AUTS2: variants seen among roughly 807,000 people sequenced by gnomAD.
AUTS2 encodes activator of transcription and developmental regulator AUTS2, also known as autism susceptibility gene 2 protein.
A neutral mutation model predicts 112.4 loss-of-function variants in AUTS2; 17 were observed. The ratio of observed to expected loss-of-function variants is 0.15; its 90% CI spans 0.10 to 0.23. AUTS2 has a LOEUF of 0.23. Ranked by LOEUF, AUTS2 falls within the 10% of genes least tolerant of loss-of-function variation. The probability of loss-of-function intolerance (pLI) is 1.00; values close to 1 mark genes in which losing one functional copy is unlikely to be tolerated. For missense variants in AUTS2, 1,510 were observed against 1,701.6 expected (o/e 0.89, Z 1.98); for synonymous variants, 751 against 702.7 (o/e 1.07, Z -1.09).
intron 4 of AUTS2, among the ~76,000 whole-genome samples, chr7:70,221,600 C>G (rs925357333): frequency 3.3e-5 from 5 of 152,156 alleles, no homozygotes; most frequent in Non-Finnish European, 5.9e-5. Context: ...TGGAATCATA[C>G]AGAACCTATC....
At chr7:70,350,765 T>G (rs1325885071) in intron 4 of AUTS2, among the ~76,000 whole-genome samples, 3 of 152,162 alleles carry the variant, frequency 2.0e-5, no homozygotes, top group East Asian at 3.9e-4. Context: ...TTTACTCTCC[T>G]GGCAAATTTT....
At chr7:70,156,147 C>T (rs926599287) in intron 4 of AUTS2, among the ~76,000 whole-genome samples, 1 of 152,190 alleles carries the variant, frequency 6.6e-6, no homozygotes, top group Non-Finnish European at 1.5e-5. Flanking sequence ...GATGCCCTTA[C>T]TTCTCCCACA....
chr7:70,637,927 C>G (rs1012536300), intron 5 of AUTS2, among the ~76,000 whole-genome samples: 2 of 152,110 alleles, frequency 1.3e-5, no homozygotes, highest in African/African-American at 2.4e-5. Flanking sequence ...TAGAAATTAC[C>G]TCGAGCTGCA....
At chr7:69,761,151 T>G (rs1334796648) in intron 1 of AUTS2, among the ~76,000 whole-genome samples, 1 of 152,216 alleles carries the variant, frequency 6.6e-6, no homozygotes, top group Non-Finnish European at 1.5e-5. Context: ...AAATGCATGC[T>G]TCAGCTGCCT....
intron 4 of AUTS2, among the ~76,000 whole-genome samples, chr7:70,359,441 G>A (rs1792158780): frequency 6.6e-6 from 1 of 152,156 alleles, no homozygotes; most frequent in Admixed American, 6.5e-5. Flanking sequence ...TTTAGTACAA[G>A]GTTCTGCAGG....
chr7:70,500,936 T>C (rs534712286), intron 5 of AUTS2, among the ~76,000 whole-genome samples: 72 of 152,206 alleles, frequency 4.7e-4, no homozygotes, highest in Admixed American at 1.8e-3. Flanking sequence ...TTGGCCAGGC[T>C]GGTCTCGAAC....
intron 5 of AUTS2, among the ~76,000 whole-genome samples, chr7:70,489,229 C>A (rs920383057): frequency 6.6e-6 from 1 of 152,144 alleles, no homozygotes; most frequent in Non-Finnish European, 1.5e-5. Context: ...AACACAAATG[C>A]GGTTCTGCTG....
intron 4 of AUTS2, among the ~76,000 whole-genome samples, chr7:70,426,929 G>A (rs1296071783): frequency 1.3e-5 from 2 of 149,736 alleles, no homozygotes; most frequent in East Asian, 3.9e-4. Context: ...AGCAAATTTG[G>A]GTTTTATTAG....
At chr7:69,755,241 G>A (rs1787900748) in intron 1 of AUTS2, among the ~76,000 whole-genome samples, 1 of 152,158 alleles carries the variant, frequency 6.6e-6, no homozygotes. Context: ...ATAGACTAGG[G>A]AAACTATCAT....
At chr7:70,110,920 GGAGCGCAGTGGCGCGA>G (rs1805050180) in intron 2 of AUTS2, among the ~76,000 whole-genome samples, 1 of 136,544 alleles carries the variant, frequency 7.3e-6, no homozygotes, top group Admixed American at 8.1e-5. Flanking sequence ...CGCCCAGGCT[GGAGCGCAGTGGCGCGA>G]TCTCAGCTCA....
At chr7:69,888,626 G>A (rs1424228033) in intron 1 of AUTS2, among the ~76,000 whole-genome samples, 1 of 148,028 alleles carries the variant, frequency 6.8e-6, no homozygotes, top group Non-Finnish European at 1.5e-5. Context: ...CTGTCACCCA[G>A]GCTGGAGTGC....
At chr7:70,490,114 G>C (rs1294734545) in intron 5 of AUTS2, among the ~76,000 whole-genome samples, 1 of 152,000 alleles carries the variant, frequency 6.6e-6, no homozygotes, top group African/African-American at 2.4e-5. Flanking sequence ...CCACCATGAG[G>C]AGGTAGGAAC....
intron 5 of AUTS2, among the ~76,000 whole-genome samples, chr7:70,470,576 C>T (rs1424534339): frequency 6.6e-6 from 1 of 152,164 alleles, no homozygotes; most frequent in African/African-American, 2.4e-5. Context: ...CAGCATCTGG[C>T]TCATCCCTGG....
intron 2 of AUTS2, among the ~76,000 whole-genome samples, chr7:70,014,966 G>A (rs1799964295): frequency 6.6e-6 from 1 of 152,172 alleles, no homozygotes; most frequent in Non-Finnish European, 1.5e-5. Flanking sequence ...CAAAGCTGTT[G>A]CCATTTTCTT....
chr7:70,346,863 A>G (rs536634689), intron 4 of AUTS2, among the ~76,000 whole-genome samples: 2 of 152,262 alleles, frequency 1.3e-5, no homozygotes, highest in East Asian at 1.9e-4. Flanking sequence ...AACAACATGA[A>G]TAGGTAGAGA....
intron 2 of AUTS2, among the ~76,000 whole-genome samples, chr7:70,070,531 A>G (rs1044210568): frequency 1.4e-4 from 21 of 151,274 alleles, no homozygotes; most frequent in African/African-American, 5.1e-4. Flanking sequence ...GTGAGCAGAG[A>G]TTGCGCCACT....
intron 2 of AUTS2, among the ~76,000 whole-genome samples, chr7:70,104,093 A>G (rs1269691813): frequency 1.3e-5 from 2 of 150,694 alleles, no homozygotes; most frequent in African/African-American, 4.9e-5. Context: ...TTGTCTTTCC[A>G]TGTTGGCACA....
At chr7:69,638,399 A>C (rs996714439) in intron 1 of AUTS2, among the ~76,000 whole-genome samples, 1 of 152,236 alleles carries the variant, frequency 6.6e-6, no homozygotes, top group African/African-American at 2.4e-5. Flanking sequence ...ATCACAGCAG[A>C]AGTTGTAGTT....
At chr7:70,617,060 C>T (rs73445498) in intron 5 of AUTS2, among the ~76,000 whole-genome samples, 3,683 of 152,194 alleles carry the variant, frequency 0.024, 151 homozygotes, top group African/African-American at 0.085. Flanking sequence ...TTATTTTTTT[C>T]ATGTGATGGT....
Sources: allele counts gnomAD v4.1 joint callset (sites outside exome capture counted in the v4.1 genomes callset), GRCh38; gene constraint gnomAD v4.1.1; transcripts MANE v1.5; gene names NCBI Gene and HGNC (gene_info 2026-07-23, HGNC 2026-07-21).